Variants in C8orf34 observed in about 807,000 individuals in gnomAD.
C8orf34 encodes the protein uncharacterized protein C8orf34.
Under a neutral mutation model 68.3 loss-of-function variants are expected in C8orf34, and 65 were observed. The ratio of observed to expected loss-of-function variants is 0.95; its 90% CI spans 0.78 to 1.17. C8orf34 has a LOEUF of 1.17. C8orf34 is among the 50% of genes most tolerant of loss of function. The probability of loss-of-function intolerance (pLI) is 0.00; values close to 1 mark genes in which losing one functional copy is unlikely to be tolerated. For missense variants in C8orf34, 664 were observed against 655.4 expected (o/e 1.01, Z -0.14); for synonymous variants, 244 against 241.2 (o/e 1.01, Z -0.11).
chr8:68,459,837 G>A lies in C8orf34; in HGVS notation c.608-8855G>A, dbSNP rs539252177. Reference sequence around the variant, plus strand: ...AAGATGGCCAAATAGGAACAGCTCCGGTCTACAGCTCCCAGTGTGAGTGAC... The same window carrying A: ...AAGATGGCCAAATAGGAACAGCTCCAGTCTACAGCTCCCAGTGTGAGTGAC... On this transcript the variant is annotated intron_variant, in intron 3 of 13. Transcript: ENST00000518698. Among the ~76,000 whole-genome samples, 110 of 152,232 alleles carry A rather than the reference G, an allele frequency of 7.2e-4. 1 individual carries two copies. The highest frequency in any genetic ancestry group is 3.4e-3 in the Middle Eastern group (1 of 294).
intron 11 of C8orf34, among the ~76,000 whole-genome samples, chr8:68,779,985 G>GTGTTC (rs1823629228): frequency 6.6e-6 from 1 of 152,012 alleles, no homozygotes; most frequent in Non-Finnish European, 1.5e-5. Flanking sequence ...TTATTTAACT[G>GTGTTC]ATAAATTAAT....
rs373611920 is a variant in C8orf34, at chr8:68,564,380, C to A, written c.1105+31231C>A. 5.3e-5 allele frequency among the ~76,000 whole-genome samples: 8 copies of A among 152,240 alleles called. No individual in the cohort carries two copies. The East Asian group carries it at 7.7e-4, about 15-fold the overall frequency. On this transcript the variant is annotated intron_variant, in intron 7 of 13. Coordinates refer to ENST00000518698, the MANE Select transcript of C8orf34 (RefSeq NM_052958.4). ...CTCTGAGAGGAATTTTCTAGTCAGG[C>A]CAACTTGGATACTTAGTCATATCAT...
intron 1 of C8orf34, among the ~76,000 whole-genome samples, chr8:68,422,719 C>G (rs1222894496): frequency 2.6e-5 from 4 of 152,218 alleles, no homozygotes; most frequent in Admixed American, 6.5e-5. Context: ...CCCCACATTT[C>G]CCTTCCACAC....
In C8orf34 at chr8:68,459,635, G is replaced by C. The variant is rs143650295; in HGVS notation, c.608-9057G>C. Among the ~76,000 whole-genome samples the C allele has an allele frequency of 2.2e-3, 328 of 152,286 alleles. 1 individual carries two copies. The highest frequency in any genetic ancestry group is 7.1e-3 in the African/African-American group (295 of 41,558). ...AAAAACTTAAAATAGAACCACTATTGAATCCAGCAATCCCACTACTGGGTA... is the reference window on the plus strand; with the variant it reads ...AAAAACTTAAAATAGAACCACTATTCAATCCAGCAATCCCACTACTGGGTA... On this transcript the variant is annotated intron_variant, in intron 3 of 13. Coordinates refer to ENST00000518698, the MANE Select transcript of C8orf34 (RefSeq NM_052958.4).
In C8orf34 at chr8:68,590,674, T is replaced by C. The variant is rs147619931; in HGVS notation, c.1106-49702T>C. 3.4e-3 allele frequency among the ~76,000 whole-genome samples: 518 copies of C among 152,288 alleles called. 4 individuals carry two copies. The highest frequency in any genetic ancestry group is 0.012 in the African/African-American group (497 of 41,584). ...AACTACATGTGGAAGTCCCCCAAGA[T>C]TTGAGTCTGAGTCTATCTAATCAGT... On this transcript the variant is annotated intron_variant, in intron 7 of 13. Coordinates refer to ENST00000518698, the MANE Select transcript of C8orf34 (RefSeq NM_052958.4).
At position 68,533,095 on chromosome 8, in the gene C8orf34, C is replaced by G; in HGVS notation, c.1051C>G (p.Pro351Ala). The G allele has an allele frequency of 6.2e-7, 1 of 1,610,920 alleles. No homozygotes were observed. The highest frequency in any genetic ancestry group is 8.5e-7 in the Non-Finnish European group (1 of 1,178,688). ...DSFESIHSPT[P>A]SVTEEDIDNE... ...TTTTGAGTCCATCCACAGCCCTACC[C>G]CATCTGTAACAGAAGAAGATATTGA... Residue 351 changes from proline to alanine, a missense_variant, in exon 7 of 14, where the codon CCA becomes GCA. Transcript: ENST00000518698.
At chr8:68,366,313 C>T (rs1187692695) in intron 1 of C8orf34, among the ~76,000 whole-genome samples, 2 of 134,492 alleles carry the variant, frequency 1.5e-5, no homozygotes, top group Non-Finnish European at 3.1e-5. Flanking sequence ...GTGAAAATGG[C>T]CATACTGCCC....
At chr8:68,475,182 A>G (rs1812554065) in intron 4 of C8orf34, among the ~76,000 whole-genome samples, 1 of 152,152 alleles carries the variant, frequency 6.6e-6, no homozygotes, top group South Asian at 2.1e-4. Context: ...CTCTTCAGCA[A>G]GCCATATTTA....
At chr8:68,410,523 CTG>C (rs1809400626) in intron 1 of C8orf34, among the ~76,000 whole-genome samples, 1 of 152,020 alleles carries the variant, frequency 6.6e-6, no homozygotes, top group Non-Finnish European at 1.5e-5. Flanking sequence ...CATCCTCAAA[CTG>C]TGGTATTTGG....
At chr8:68,582,239 G>C (rs1229038802) in intron 7 of C8orf34, among the ~76,000 whole-genome samples, 1 of 152,128 alleles carries the variant, frequency 6.6e-6, no homozygotes, top group Non-Finnish European at 1.5e-5. Flanking sequence ...CAGACAAAGA[G>C]GGAATGACCT....
At chr8:68,559,343 G>GA (rs1816350913) in intron 7 of C8orf34, among the ~76,000 whole-genome samples, 1 of 152,010 alleles carries the variant, frequency 6.6e-6, no homozygotes. Flanking sequence ...TTTGGGATAA[G>GA]AAACGACTTT....
At chr8:68,645,578 G>T (rs774165025) in intron 8 of C8orf34, among the ~76,000 whole-genome samples, 11 of 152,010 alleles carry the variant, frequency 7.2e-5, no homozygotes. Context: ...CGTTGTTGTT[G>T]TTGTTTCTTA....
intron 7 of C8orf34, among the ~76,000 whole-genome samples, chr8:68,620,804 A>AGCTTTTTTC (rs1818367641): frequency 6.6e-6 from 1 of 151,552 alleles, no homozygotes; most frequent in Non-Finnish European, 1.5e-5. Flanking sequence ...TTCCCCCATT[A>AGCTTTTTTC]CCCAATAAGA....
intron 1 of C8orf34, among the ~76,000 whole-genome samples, chr8:68,382,504 A>G (rs1808086047): frequency 6.6e-6 from 1 of 152,216 alleles, no homozygotes; most frequent in Non-Finnish European, 1.5e-5. Flanking sequence ...GCAGACCTAG[A>G]GTACTGCTCT....
At chr8:68,486,452 A>T (rs187405086) in intron 4 of C8orf34, among the ~76,000 whole-genome samples, 2 of 152,164 alleles carry the variant, frequency 1.3e-5, no homozygotes, top group South Asian at 2.1e-4. Context: ...TTTTGATGTG[A>T]CACATAAAAA....
chr8:68,816,980 C>CATCAAGT (rs1403632948), intron 13 of C8orf34, among the ~76,000 whole-genome samples: 1 of 152,122 alleles, frequency 6.6e-6, no homozygotes, highest in Non-Finnish European at 1.5e-5. Flanking sequence ...TTCCTCAGCC[C>CATCAAGT]ATCAAGTGTG....
intron 7 of C8orf34, among the ~76,000 whole-genome samples, chr8:68,557,125 A>C (rs1356475783): frequency 1.3e-5 from 2 of 152,208 alleles, no homozygotes; most frequent in Non-Finnish European, 2.9e-5. Flanking sequence ...CTGGATCTAC[A>C]TAGTGATTGA....
intron 1 of C8orf34, among the ~76,000 whole-genome samples, chr8:68,428,286 A>C (rs371193857): frequency 5.2e-4 from 79 of 152,214 alleles, no homozygotes; most frequent in African/African-American, 1.9e-3. Context: ...AAATAAGAGC[A>C]GTAAAAATGG....
chr8:68,473,941 G>A (rs976138461), intron 4 of C8orf34, among the ~76,000 whole-genome samples: 29 of 152,034 alleles, frequency 1.9e-4, no homozygotes, highest in African/African-American at 6.8e-4. Flanking sequence ...CTGGGTGCTG[G>A]CCCTCCATCC....
Sources: allele counts gnomAD v4.1 joint callset (sites outside exome capture counted in the v4.1 genomes callset), GRCh38; gene constraint gnomAD v4.1.1; transcripts MANE v1.5; gene names NCBI Gene and HGNC (gene_info 2026-07-23, HGNC 2026-07-21).